The following POLK variants were observed in gnomAD, a reference collection of about 807,000 sequenced individuals.
The protein encoded by POLK is polymerase (DNA directed) kappa.
In POLK, 76 loss-of-function variants were observed where a neutral mutation model predicts 94.0. That is an observed-to-expected ratio of 0.81 (90% CI 0.67 to 0.98). The LOEUF (loss-of-function observed/expected upper bound fraction) is 0.98, where lower values mean the gene tolerates loss of function less well. Among genes scored for constraint, POLK ranks in the 50% least tolerant of loss-of-function variants. The pLI, the probability that POLK is intolerant of heterozygous loss-of-function variation, is 0.00. For synonymous variants in POLK, 349 were observed against 325.4 expected (o/e 1.07, Z -0.78); for missense variants, 954 against 1,010.1 (o/e 0.94, Z 0.75).
intron 3 of POLK, among the ~76,000 whole-genome samples, chr5:75,561,038 A>T (rs1770945117): frequency 6.6e-6 from 1 of 152,144 alleles, no homozygotes; most frequent in African/African-American, 2.4e-5. Context: ...TGGTAATGGG[A>T]TTGCTGGGTC....
chr5:75,512,575 A>G (rs1413530043), intron 1 of POLK: 1 of 152,180 alleles, frequency 6.6e-6, no homozygotes, highest in African/African-American at 2.4e-5. Flanking sequence ...GGGATTAGGC[A>G]ATAGGAGGCT....
chr5:75,585,936 C>T (rs1373523375), intron 9 of POLK, among the ~76,000 whole-genome samples: 1 of 152,186 alleles, frequency 6.6e-6, no homozygotes, highest in African/African-American at 2.4e-5. Context: ...CTTTTCTCAT[C>T]TCTTCCTGCT....
chr5:75,514,207 A>C (rs563573324), intron 1 of POLK, among the ~76,000 whole-genome samples: 1 of 152,246 alleles, frequency 6.6e-6, no homozygotes, highest in South Asian at 2.1e-4. Flanking sequence ...TCTTCTGTAG[A>C]TTCATTGTTT....
intron 4 of POLK, among the ~76,000 whole-genome samples, chr5:75,571,941 G>C (rs963574579): frequency 6.6e-6 from 1 of 152,074 alleles, no homozygotes; most frequent in African/African-American, 2.4e-5. Context: ...TTTGTTTCTA[G>C]TGCTATCCAC....
intron 1 of POLK, among the ~76,000 whole-genome samples, chr5:75,534,000 T>C (rs1352038385): frequency 1.3e-5 from 2 of 152,142 alleles, no homozygotes; most frequent in Admixed American, 1.3e-4. Context: ...GCGTGGTGGC[T>C]CATGCCTATA....
At chr5:75,521,679 T>C (rs967611206) in intron 1 of POLK, among the ~76,000 whole-genome samples, 8 of 152,194 alleles carry the variant, frequency 5.3e-5, no homozygotes, top group African/African-American at 1.7e-4. Flanking sequence ...CATTGAAACA[T>C]TATTTATTTA....
chr5:75,590,023 A>C (rs1772696240), intron 10 of POLK, among the ~76,000 whole-genome samples: 1 of 152,222 alleles, frequency 6.6e-6, no homozygotes, highest in Admixed American at 6.5e-5. Flanking sequence ...AAGTCTATAT[A>C]TACATATACC....
chr5:75,548,661 G>C (rs1045669188), intron 2 of POLK, among the ~76,000 whole-genome samples: 8 of 151,840 alleles, frequency 5.3e-5, no homozygotes, highest in Admixed American at 1.3e-4. Context: ...TAGGAAATGC[G>C]TGGTGATGTC....
exon 4 of POLK, chr5:75,569,472 G>T (rs755775048): frequency 1.2e-6 from 2 of 1,612,430 alleles, no homozygotes; most frequent in South Asian, 1.1e-5. Flanking sequence ...ACCCATTGCT[G>T]TAGGATCAAT....
At chr5:75,565,822 G>A (rs1239628531) in intron 3 of POLK, among the ~76,000 whole-genome samples, 1 of 152,122 alleles carries the variant, frequency 6.6e-6, no homozygotes, top group Non-Finnish European at 1.5e-5. Flanking sequence ...GTCAACCCCT[G>A]CCATCAGGAG....
chr5:75,577,021 C>T, intron 6 of POLK, 88 bp downstream of exon 6: 1 of 755,304 alleles, frequency 1.3e-6, no homozygotes, highest in Non-Finnish European at 2.0e-6. Context: ...AATTTATTAG[C>T]CTGCATAGGT....
intron 5 of POLK, among the ~76,000 whole-genome samples, chr5:75,575,016 C>A (rs1418154962): frequency 1.3e-5 from 2 of 152,204 alleles, no homozygotes; most frequent in African/African-American, 4.8e-5. Flanking sequence ...TTATTTTAGT[C>A]TGGTTATTTA....
chr5:75,566,459 C>G (rs543301194), intron 3 of POLK, among the ~76,000 whole-genome samples: 7 of 152,322 alleles, frequency 4.6e-5, no homozygotes, highest in Admixed American at 2.0e-4. Context: ...AAATGGCCGC[C>G]CAGTTTTGTG....
At chr5:75,565,190 A>G (rs1053619938) in intron 3 of POLK, among the ~76,000 whole-genome samples, 6 of 152,038 alleles carry the variant, frequency 3.9e-5, no homozygotes, top group Non-Finnish European at 7.4e-5. Flanking sequence ...ATACTTGTGT[A>G]TGCTTCCCGA....
chr5:75,534,430 C>G (rs1375420365), intron 1 of POLK, among the ~76,000 whole-genome samples: 2 of 151,974 alleles, frequency 1.3e-5, no homozygotes, highest in Non-Finnish European at 2.9e-5. Flanking sequence ...GAGTTTGGTT[C>G]TTTCATATAA....
chr5:75,544,906 C>CA (rs1252823468), intron 1 of POLK, among the ~76,000 whole-genome samples: 15 of 152,064 alleles, frequency 9.9e-5, no homozygotes, highest in Admixed American at 4.6e-4. Context: ...CAAATGATAA[C>CA]AAAAAACCAA....
chr5:75,583,416 A>G lies in POLK; in HGVS notation c.1058A>G (p.Lys353Arg), dbSNP rs1772305077. 5.7e-6 allele frequency: 9 copies of G among 1,590,474 alleles called. No individual in the cohort carries two copies. Among genetic ancestry groups the G allele is most frequent in the Middle Eastern group, 1.7e-4 (1 of 5,884 alleles). Residue 353 changes from lysine to arginine, a missense_variant and splice_region_variant, in exon 8 of 15, where the codon AAG becomes AGG. Physicochemically the swap from Lys to Arg is conservative, Grantham distance 26 (BLOSUM62 2). Transcript: ENST00000241436. ...TTCATCAAGGATTTACCCATTAGAA[A>G]GGTAAGATTTTTACATAAAGTTTAT... is the stretch of plus-strand genomic sequence containing the variant.
chr5:75,597,030 T>C (rs1332686552), exon 13 of POLK: 2 of 1,613,686 alleles, frequency 1.2e-6, no homozygotes, highest in Non-Finnish European at 1.7e-6. Flanking sequence ...CTCTAGTTTG[T>C]CCTGTTTGTA....
chr5:75,583,343 C>A, exon 8 of POLK: 1 of 1,605,392 alleles, frequency 6.2e-7, no homozygotes. Context: ...TAAGAATAAA[C>A]CAAATGGACA....
Sources: allele counts gnomAD v4.1 joint callset (sites outside exome capture counted in the v4.1 genomes callset), GRCh38; gene constraint gnomAD v4.1.1; transcripts MANE v1.5; gene names NCBI Gene and HGNC (gene_info 2026-07-23, HGNC 2026-07-21).